Variants in DPY19L2 observed in about 807,000 individuals in gnomAD.
The protein encoded by DPY19L2 is dpy-19 like 2, also known as probable C-mannosyltransferase DPY19L2.
DPY19L2 carries 34 observed loss-of-function variants against 97.9 expected under a neutral mutation model. The ratio of observed to expected loss-of-function variants is 0.35; its 90% CI spans 0.26 to 0.46. The LOEUF is 0.46. Among genes scored for constraint, DPY19L2 ranks in the 20% least tolerant of loss-of-function variants. The probability of loss-of-function intolerance (pLI) is 1.00; values close to 1 mark genes in which losing one functional copy is unlikely to be tolerated. For synonymous variants in DPY19L2, 230 were observed against 307.9 expected (o/e 0.75, Z 2.65); for missense variants, 623 against 911.4 (o/e 0.68, Z 4.07).
At chr12:63,566,693 C>T (rs910580120) in intron 21 of DPY19L2, among the ~76,000 whole-genome samples, 8 of 151,790 alleles carry the variant, frequency 5.3e-5, no homozygotes, top group Admixed American at 2.0e-4. Flanking sequence ...ATTCACCTTG[C>T]GAAAAACATC....
chr12:63,589,355 TGC>T, intron 16 of DPY19L2, among the ~76,000 whole-genome samples: 1 of 17,556 alleles, frequency 5.7e-5, no homozygotes, highest in Non-Finnish European at 1.2e-4. Context: ...AAAAATGTGT[TGC>T]AAAAAAAAAA....
chr12:63,590,487 A>G (rs924092996), intron 16 of DPY19L2, among the ~76,000 whole-genome samples: 6 of 152,142 alleles, frequency 3.9e-5, no homozygotes, highest in Non-Finnish European at 8.8e-5. Context: ...TTTTTAAGAC[A>G]AAAGTTATAT....
intron 4 of DPY19L2, among the ~76,000 whole-genome samples, chr12:63,649,961 A>G (rs1207799640): frequency 1.3e-5 from 2 of 152,156 alleles, no homozygotes; most frequent in Non-Finnish European, 2.9e-5. Context: ...CACATCAAAA[A>G]GCTAATCCAC....
In DPY19L2 at chr12:63,618,872, A is replaced by G. The variant is rs556887890; in HGVS notation, c.1054-644T>C. On this transcript the variant is annotated intron_variant, in intron 9 of 21. Transcript: ENST00000324472. The stretch of plus-strand genomic sequence containing the variant: ...AGACACTATCACTAACATGATAGAA[A>G]TAGATCCACAAAAGATTTAGATCAG... 1.3e-4 allele frequency among the ~76,000 whole-genome samples: 20 copies of G among 152,314 alleles called. No individual in the cohort carries two copies. The South Asian group carries it at 4.1e-3, about 32-fold the overall frequency.
chr12:63,618,810 G>C (rs1386971169), intron 9 of DPY19L2, among the ~76,000 whole-genome samples: 1 of 151,986 alleles, frequency 6.6e-6, no homozygotes, highest in African/African-American at 2.4e-5. Flanking sequence ...ATGATGTCCA[G>C]CACCACATCA....
chr12:63,640,166 G>A (rs1348661907), intron 6 of DPY19L2, among the ~76,000 whole-genome samples: 11 of 152,010 alleles, frequency 7.2e-5, no homozygotes, highest in Admixed American at 2.0e-4. Context: ...ACACTTGGAC[G>A]CAGTTTGGGG....
chr12:63,667,352 T>C (rs1896450558), intron 1 of DPY19L2, among the ~76,000 whole-genome samples: 2 of 152,160 alleles, frequency 1.3e-5, no homozygotes, highest in Non-Finnish European at 2.9e-5. Flanking sequence ...TTTCCAAAGA[T>C]GCTCAAAATC....
rs561280211 is a variant in DPY19L2 at position 63,644,202 on chromosome 12, G to T, written c.803+201C>A. 2.3e-3 allele frequency among the ~76,000 whole-genome samples: 347 copies of T among 152,130 alleles called. 3 individuals carry two copies. Among genetic ancestry groups the T allele is most frequent in the Middle Eastern group, 0.017 (5 of 294 alleles). ...TCTGTTTAAACAACAGAATAAAAGG[G>T]ATGACTTTGAGATAGAATTTTAGTG... On this transcript the variant is annotated intron_variant, in intron 6 of 21. Coordinates refer to ENST00000324472, the MANE Select transcript of DPY19L2 (RefSeq NM_173812.5).
At chr12:63,601,044 C>A (rs1340795045) in intron 12 of DPY19L2, among the ~76,000 whole-genome samples, 1 of 152,148 alleles carries the variant, frequency 6.6e-6, no homozygotes, top group Non-Finnish European at 1.5e-5. Context: ...CTCGGCCTCC[C>A]AAAGTGCTGG....
intron 6 of DPY19L2, among the ~76,000 whole-genome samples, chr12:63,628,097 T>C (rs548599707): frequency 6.6e-6 from 1 of 152,168 alleles, no homozygotes; most frequent in African/African-American, 2.4e-5. Flanking sequence ...GGAGCCAAGA[T>C]GGCCGAATAG....
intron 16 of DPY19L2, chr12:63,590,883 G>A: frequency 6.6e-6 from 2 of 304,942 alleles, no homozygotes; most frequent in Non-Finnish European, 1.4e-5. Flanking sequence ...TTTCAAATAT[G>A]TAATCAATAC....
At chr12:63,613,954 C>T (rs6581493) in intron 11 of DPY19L2, among the ~76,000 whole-genome samples, 26,580 of 151,682 alleles carry the variant, frequency 0.18, 3,217 homozygotes, top group African/African-American at 0.36. Context: ...ACTTGGGAGG[C>T]AGAGGCAGGC....
intron 21 of DPY19L2, among the ~76,000 whole-genome samples, chr12:63,566,959 G>A (rs1877840770): frequency 6.6e-6 from 1 of 152,046 alleles, no homozygotes; most frequent in African/African-American, 2.4e-5. Context: ...AGGGTAATTA[G>A]GCTATCCATC....
chr12:63,659,964 T>C (rs1209679203), intron 4 of DPY19L2, among the ~76,000 whole-genome samples: 8 of 152,068 alleles, frequency 5.3e-5, no homozygotes, highest in African/African-American at 1.9e-4. Flanking sequence ...TTTATCCCCA[T>C]AAATAAGGGA....
chr12:63,641,320 T>C lies in DPY19L2; in HGVS notation c.803+3083A>G, dbSNP rs557592246. Among the ~76,000 whole-genome samples the C allele has an allele frequency of 2.6e-5, 4 of 152,234 alleles. No individual in the cohort carries two copies. The South Asian group carries it at 6.2e-4, about 24-fold the overall frequency. On this transcript the variant is annotated intron_variant, in intron 6 of 21. Coordinates refer to ENST00000324472, the MANE Select transcript of DPY19L2 (RefSeq NM_173812.5). ...GCTTATATTTTTTCTATATGGCACATAGAAAAGTGCATAACATTTCTAGCT... is the reference window on the plus strand; with the variant it reads ...GCTTATATTTTTTCTATATGGCACACAGAAAAGTGCATAACATTTCTAGCT...
At chr12:63,598,774 A>G (rs1444535797) in intron 13 of DPY19L2, among the ~76,000 whole-genome samples, 1 of 152,108 alleles carries the variant, frequency 6.6e-6, no homozygotes, top group Non-Finnish European at 1.5e-5. Flanking sequence ...CCTGGTGACT[A>G]ACAGTAATTT....
chr12:63,560,608 A>G lies in DPY19L2; in HGVS notation c.2181T>C (p.Ala727=), dbSNP rs774118030. The G allele has an allele frequency of 1.2e-6, 2 of 1,614,074 alleles. No individual in the cohort carries two copies. The highest frequency in any genetic ancestry group is 1.7e-6 in the Non-Finnish European group (2 of 1,179,954). The part of the protein sequence containing the change: ...IWDVEDPSNA[A]NPPLCSVLLE... ...GCAGGACGCTACATAAGGGAGGGTT[A>G]GCTGCATTGGAAGGGTCTTCCACAT... The change falls in exon 22 of 22, where the codon GCT becomes GCC. Residue 727 remains alanine, a synonymous_variant. Transcript: ENST00000324472.
At position 63,634,006 on chromosome 12, in the gene DPY19L2, T is replaced by G. The variant is rs144494694; in HGVS notation, c.804-7480A>C. ...CATGTTCTCACTCATAGTTGGGAAT[T>G]GAACAATGAGAACACATGGACACAG... On this transcript the variant is annotated intron_variant, in intron 6 of 21. Coordinates refer to ENST00000324472, the MANE Select transcript of DPY19L2 (RefSeq NM_173812.5). 1.9e-3 allele frequency among the ~76,000 whole-genome samples: 281 copies of G among 150,286 alleles called. 5 individuals carry two copies. The East Asian group carries it at 0.032, about 17-fold the overall frequency.
At chr12:63,668,500 C>A, upstream of DPY19L2, 1 of 1,213,276 alleles carries the variant, frequency 8.2e-7, no homozygotes, top group African/African-American at 1.5e-5. Context: ...GACTTGTCCC[C>A]GCAGCCGTTG....
Sources: gnomAD v4.1 joint callset for allele counts (sites outside exome capture counted in the v4.1 genomes callset) on GRCh38, gnomAD v4.1.1 for gene constraint, MANE v1.5 for transcripts, NCBI Gene and HGNC (gene_info 2026-07-23, HGNC 2026-07-21) for gene names.